The following SMG6 variants were observed in gnomAD, a reference collection of about 807,000 sequenced individuals.
The protein encoded by SMG6 is telomerase-binding protein EST1A.
A neutral mutation model predicts 142.2 loss-of-function variants in SMG6; 66 were observed. The ratio of observed to expected loss-of-function variants is 0.46; its 90% CI spans 0.38 to 0.57. The LOEUF (loss-of-function observed/expected upper bound fraction) is 0.57. Ranked by LOEUF, SMG6 falls within the 20% of genes least tolerant of loss-of-function variation. SMG6 has a pLI of 0.00. For synonymous variants in SMG6, 779 were observed against 702.4 expected, an observed-to-expected ratio of 1.11 and a Z score of -1.72; for missense variants, 1,793 against 1,832.0, an observed-to-expected ratio of 0.98 and a Z score of 0.39.
At chr17:2,255,725 GT>G in intron 8 of SMG6, 2 of 192,640 alleles carry the variant, frequency 1.0e-5, no homozygotes, top group South Asian at 9.6e-5. Context: ...GACGATGGCG[GT>G]TTTGTGGAAT....
chr17:2,288,308 C>T (rs1006407813), intron 6 of SMG6, among the ~76,000 whole-genome samples: 1 of 140,354 alleles, frequency 7.1e-6, no homozygotes, highest in Non-Finnish European at 1.5e-5. Flanking sequence ...AGCGAGACTC[C>T]ATCACAAAAA....
chr17:2,238,368 T>C (rs1344970974), intron 9 of SMG6, among the ~76,000 whole-genome samples: 2 of 152,172 alleles, frequency 1.3e-5, no homozygotes, highest in African/African-American at 4.8e-5. Flanking sequence ...CTTTTTTTTT[T>C]CTCTAAAAAA....
intron 10 of SMG6, among the ~76,000 whole-genome samples, chr17:2,228,021 C>T (rs1006102995): frequency 4.6e-5 from 7 of 152,160 alleles, no homozygotes; most frequent in African/African-American, 1.7e-4. Flanking sequence ...ATGATTAGCA[C>T]GATACCATCT....
chr17:2,270,809 C>G (rs1387117493), intron 8 of SMG6, among the ~76,000 whole-genome samples: 1 of 152,194 alleles, frequency 6.6e-6, no homozygotes, highest in Non-Finnish European at 1.5e-5. Context: ...CCCCATTCCC[C>G]AAGGTGTCAC....
At chr17:2,200,842 T>C (rs1399354984) in intron 10 of SMG6, among the ~76,000 whole-genome samples, 2 of 152,166 alleles carry the variant, frequency 1.3e-5, no homozygotes. Flanking sequence ...CCCAACCTCC[T>C]GGTCTCAAAT....
intron 8 of SMG6, among the ~76,000 whole-genome samples, chr17:2,271,236 A>G (rs2074537092): frequency 2.0e-5 from 3 of 151,010 alleles, no homozygotes; most frequent in South Asian, 4.2e-4. Context: ...AATTACAGGC[A>G]TGCACCACTA....
rs1180581017 is a variant in SMG6, at chr17:2,124,398, T to A, written c.3358-38497A>T. On this transcript the variant is annotated intron_variant, in intron 13 of 18. Transcript: ENST00000263073. ...ATACACAAGTAATATTCTAGCCTCT[T>A]TTCAGGAGAGACTGATGTAGAGTAG... is the stretch of plus-strand genomic sequence containing the variant. 3.9e-5 allele frequency among the ~76,000 whole-genome samples: 6 copies of A among 152,248 alleles called. No homozygotes were observed. The East Asian group carries it at 9.6e-4, about 24-fold the overall frequency.
At chr17:2,158,785 C>T (rs952994351) in intron 13 of SMG6, among the ~76,000 whole-genome samples, 1 of 149,438 alleles carries the variant, frequency 6.7e-6, no homozygotes, top group Non-Finnish European at 1.5e-5. Context: ...GGTGTGGTGG[C>T]GTGCACCCAT....
chr17:2,246,570 TA>T (rs955362553), intron 8 of SMG6, among the ~76,000 whole-genome samples: 5 of 152,210 alleles, frequency 3.3e-5, no homozygotes, highest in African/African-American at 1.2e-4. Context: ...AATTTATAGA[TA>T]AAAAGCTCAG....
intron 6 of SMG6, among the ~76,000 whole-genome samples, chr17:2,291,274 T>A (rs1322873284): frequency 6.7e-6 from 1 of 149,360 alleles, no homozygotes; most frequent in Non-Finnish European, 1.5e-5. Context: ...GAGCTTGCCG[T>A]GAGCCGAGAT....
intron 13 of SMG6, among the ~76,000 whole-genome samples, chr17:2,163,923 G>A (rs1200589677): frequency 1.3e-5 from 2 of 151,462 alleles, no homozygotes; most frequent in Non-Finnish European, 1.5e-5. Flanking sequence ...ATTAGCCGGT[G>A]TGGTGGCAGG....
chr17:2,084,335 C>T (rs2068500301), intron 14 of SMG6, among the ~76,000 whole-genome samples: 1 of 152,232 alleles, frequency 6.6e-6, no homozygotes, highest in Non-Finnish European at 1.5e-5. Context: ...AGCCTGCTGT[C>T]CCCTCCCATG....
intron 10 of SMG6, among the ~76,000 whole-genome samples, chr17:2,222,335 T>C (rs76302727): frequency 0.011 from 1,607 of 151,940 alleles, 30 homozygotes; most frequent in African/African-American, 0.036. Flanking sequence ...AGAAGTAACA[T>C]TAAGCAAAGA....
At chr17:2,211,020 T>C (rs1017475424) in intron 10 of SMG6, among the ~76,000 whole-genome samples, 1 of 151,428 alleles carries the variant, frequency 6.6e-6, no homozygotes, top group Non-Finnish European at 1.5e-5. Context: ...AGGATCACCA[T>C]GCTTGACTAC....
intron 13 of SMG6, among the ~76,000 whole-genome samples, chr17:2,090,321 C>T (rs908421596): frequency 2.6e-5 from 4 of 151,568 alleles, no homozygotes; most frequent in Non-Finnish European, 5.9e-5. Context: ...GGAGAGAAAA[C>T]GAGCTATATG....
chr17:2,271,252 G>A (rs1261809788), intron 8 of SMG6, among the ~76,000 whole-genome samples: 3 of 151,196 alleles, frequency 2.0e-5, no homozygotes, highest in South Asian at 2.1e-4. Context: ...CACTATGCCC[G>A]GCTAATTTTT....
chr17:2,076,392 C>G (rs922064965), intron 15 of SMG6, among the ~76,000 whole-genome samples: 1 of 152,224 alleles, frequency 6.6e-6, no homozygotes, highest in African/African-American at 2.4e-5. Flanking sequence ...CTCTCCCCAA[C>G]TCCCAGGACA....
intron 8 of SMG6, among the ~76,000 whole-genome samples, chr17:2,258,062 C>CGCACATATATATAT (rs1555567109): frequency 1.1e-4 from 13 of 120,320 alleles, no homozygotes; most frequent in African/African-American, 3.3e-4. Flanking sequence ...CACACACACA[C>CGCACATATATATAT]ACACATATAT....
chr17:2,201,263 C>T (rs1425801682), intron 10 of SMG6, among the ~76,000 whole-genome samples: 1 of 152,174 alleles, frequency 6.6e-6, no homozygotes, highest in Non-Finnish European at 1.5e-5. Flanking sequence ...CATTACTAAT[C>T]ATTAGGGAAA....
Sources: allele counts gnomAD v4.1 joint callset (sites outside exome capture counted in the v4.1 genomes callset), GRCh38; gene constraint gnomAD v4.1.1; transcripts MANE v1.5; gene names NCBI Gene and HGNC (gene_info 2026-07-23, HGNC 2026-07-21).